NEUROD2: variants seen among roughly 807,000 people sequenced by gnomAD.
The protein encoded by NEUROD2 is neurogenic differentiation factor 2.
A neutral mutation model predicts 9.3 loss-of-function variants in NEUROD2; 5 were observed. The observed-to-expected ratio is 0.54, with a 90% CI of 0.28 to 1.13. NEUROD2 has a LOEUF of 1.13. NEUROD2 is among the 50% of genes most tolerant of loss of function. NEUROD2 has a pLI of 0.10. For synonymous variants in NEUROD2, 277 were observed against 257.3 expected (o/e 1.08, Z -0.73); for missense variants, 376 against 549.2 (o/e 0.68, Z 3.15).
chr17:39,605,360 G>A lies in NEUROD2; in HGVS notation c.*91C>T. On this transcript the variant is annotated 3_prime_UTR_variant, in exon 2 of 2. Transcript: ENST00000302584. The surrounding 1 kb of genome is among the most constrained non-coding windows in gnomAD (Gnocchi z 6.8). ...TGGCCCGCTCCCCGCGCCCGGCGCCGGGGTAGGATGGGGGTGTCCCTGCGC... is the reference window on the plus strand; with the variant it reads ...TGGCCCGCTCCCCGCGCCCGGCGCCAGGGTAGGATGGGGGTGTCCCTGCGC... 2 of 1,427,446 alleles carry A rather than the reference G, an allele frequency of 1.4e-6. No individual in the cohort carries two copies. The highest frequency in any genetic ancestry group is 9.2e-7 in the Non-Finnish European group (1 of 1,084,856). The allele number at this position is 1,427,446 out of a possible 1,614,324, so 88.4% of individuals were successfully genotyped here.
Position 39,604,717 on chromosome 17 carries a change from C to T in NEUROD2, c.*734G>A, listed in dbSNP as rs1258843000. ...AAAAGTCCTTACTGCGTTTTCTCTC[C>T]GATCCGGACTCTGCGTTCGGCTTCC... On this transcript the variant is annotated 3_prime_UTR_variant, in exon 2 of 2. Transcript: ENST00000302584. The T allele has an allele frequency of 1.4e-5, 2 of 139,832 alleles. No individual in the cohort carries two copies. The highest frequency in any genetic ancestry group is 5.5e-5 in the African/African-American group (2 of 36,590). The allele number at this position is 139,832 out of a possible 1,614,324, so 8.7% of individuals were successfully genotyped here.
intron 1 of NEUROD2, chr17:39,607,241 A>C (rs1202287698): frequency 1.3e-5 from 2 of 152,202 alleles, no homozygotes; most frequent in Non-Finnish European, 2.9e-5. Flanking sequence ...GCGAGGACTG[A>C]AGCAGCGGGG....
Position 39,604,561 on chromosome 17 carries a change from C to T in NEUROD2, c.*890G>A, listed in dbSNP as rs1304834139. 1.3e-5 allele frequency: 2 copies of T among 151,052 alleles called. No homozygotes were observed. Among genetic ancestry groups the T allele is most frequent in the African/African-American group, 4.9e-5 (2 of 41,088 alleles). 9.4% of individuals were successfully genotyped at this position (151,052 alleles called of 1,614,324 possible). ...GGCCCGCAGGCCGGGCGGGGCATCC[C>T]GGGGCCGGGCCGGGCCGCGAGGCTC... On this transcript the variant is annotated 3_prime_UTR_variant, in exon 2 of 2. Transcript: ENST00000302584.
In NEUROD2 at chr17:39,606,081, G is replaced by C; in HGVS notation, c.519C>G (p.Leu173=). 1 of 1,614,052 alleles carries C rather than the reference G, an allele frequency of 6.2e-7. No homozygotes were observed. The highest frequency in any genetic ancestry group is 1.7e-5 in the Admixed American group (1 of 60,026). The change falls in exon 2 of 2, where the codon CTC becomes CTG. Residue 173 remains leucine (L), a synonymous_variant. Transcript: ENST00000302584. This position sits in a 1 kb window ranked among gnomAD's most constrained non-coding sequence, Gnocchi z 7.8. ...LRLAKNYIWA[L]SEILRSGKRP... ...GCTTGCCGGAGCGCAGGATCTCCGA[G>C]AGCGCCCAGATATAGTTCTTGGCTA...
At chr17:39,607,324 G>A (rs368815317) in intron 1 of NEUROD2, 6 of 152,326 alleles carry the variant, frequency 3.9e-5, no homozygotes, top group African/African-American at 1.4e-4. Context: ...CCCCCTTCAA[G>A]CTGACTCCCT....
rs1388196215 is a variant in NEUROD2, at chr17:39,605,898, G to T, written c.702C>A (p.Phe234Leu). The T allele has an allele frequency of 1.9e-6, 3 of 1,604,472 alleles. No individual in the cohort carries two copies. In the African/African-American group the frequency reaches 4.0e-5, roughly 21 times the overall value. Residue 234 changes from phenylalanine (F) to leucine (L), a missense_variant, in exon 2 of 2, where the codon TTC becomes TTA. Physicochemically the swap from Phe to Leu is conservative, Grantham distance 22. Transcript: ENST00000302584. This position sits in a 1 kb window ranked among gnomAD's most constrained non-coding sequence, Gnocchi z 6.8. ...AGRFHGSGGP[F>L]AMHPYPYPCS... Reference sequence around the variant, plus strand: ...ACGGGTACGGGTAGGGGTGCATGGCGAACGGGCCGCCCGAGCCGTGGAAGC... The same window carrying T: ...ACGGGTACGGGTAGGGGTGCATGGCTAACGGGCCGCCCGAGCCGTGGAAGC...
In NEUROD2 at chr17:39,606,319, T is replaced by A. The variant is rs1336278222; in HGVS notation, c.281A>T (p.Asp94Val). The change falls in exon 2 of 2, where the codon GAC (aspartate) becomes GTC (valine). Residue 94 changes from aspartate to valine, a missense_variant. Asp to Val is a radical substitution (Grantham distance 152). Coordinates refer to ENST00000302584, the MANE Select transcript of NEUROD2 (RefSeq NM_006160.4). This position sits in a 1 kb window ranked among gnomAD's most constrained non-coding sequence, Gnocchi z 7.8. ...CTTGGGCCGCTCGCCCTCCGCCTCGTCCAGTCCTTCTTCCTCCTCCTCTTC... is the reference window on the plus strand; with the variant it reads ...CTTGGGCCGCTCGCCCTCCGCCTCGACCAGTCCTTCTTCCTCCTCCTCTTC... ...EEEEEEEEGL[D>V]EAEGERPKKR... The A allele has an allele frequency of 6.2e-7, 1 of 1,601,510 alleles. No homozygotes were observed. The highest frequency in any genetic ancestry group is 1.3e-5 in the African/African-American group (1 of 74,784).
At position 39,605,498 on chromosome 17, in the gene NEUROD2, C is replaced by T. The variant is rs758559821; in HGVS notation, c.1102G>A (p.Asp368Asn). The change falls in exon 2 of 2, where the codon GAC (aspartate) becomes AAC (asparagine). Residue 368 changes from aspartate to asparagine, a missense_variant. Physicochemically the swap from Asp to Asn is conservative, Grantham distance 23. This residue lies in a region of NEUROD2 where 193 missense variants were observed against 255.8 expected (regional missense o/e 0.75). Coordinates refer to ENST00000302584, the MANE Select transcript of NEUROD2 (RefSeq NM_006160.4). The surrounding 1 kb of genome is among the most constrained non-coding windows in gnomAD (Gnocchi z 6.8). ...LLSYDMHLHH[D>N]RGPMYEELNA... The stretch of plus-strand genomic sequence containing the variant: ...AGCTCCTCGTACATGGGGCCCCGGT[C>T]GTGGTGAAGGTGCATATCGTAAGAC... 1.2e-5 allele frequency: 19 copies of T among 1,608,944 alleles called. No individual in the cohort carries two copies. The highest frequency in any genetic ancestry group is 1.5e-5 in the Non-Finnish European group (18 of 1,177,288).
At chr17:39,607,532 A>T in intron 1 of NEUROD2, 196 bp downstream of exon 1, 2 of 833,652 alleles carry the variant, frequency 2.4e-6, no homozygotes, top group African/African-American at 1.9e-5. Flanking sequence ...AGCCCATCGC[A>T]GGCAGAGACA....
At position 39,605,332 on chromosome 17, in the gene NEUROD2, C is replaced by G. The variant is rs1018435851; in HGVS notation, c.*119G>C. ...CGCTGCCCCAGGAGAGCGGCAGGACCGGTGGCCCGCTCCCCGCGCCCGGCG... is the reference window on the plus strand; with the variant it reads ...CGCTGCCCCAGGAGAGCGGCAGGACGGGTGGCCCGCTCCCCGCGCCCGGCG... On this transcript the variant is annotated 3_prime_UTR_variant, in exon 2 of 2. Coordinates refer to ENST00000302584, the MANE Select transcript of NEUROD2 (RefSeq NM_006160.4). This position sits in a 1 kb window ranked among gnomAD's most constrained non-coding sequence, Gnocchi z 6.8. 1.9e-5 allele frequency: 25 copies of G among 1,333,804 alleles called. No homozygotes were observed. The highest frequency in any genetic ancestry group is 2.5e-5 in the Non-Finnish European group (25 of 1,002,224). 82.6% of individuals were successfully genotyped at this position (1,333,804 alleles called of 1,614,324 possible). A position where few individuals can be genotyped will look rare whatever the true frequency, so the allele number is the denominator to read the frequency against.
rs937904151 is a variant in NEUROD2, at chr17:39,605,095, C to G, written c.*356G>C. 5.3e-6 allele frequency: 1 copy of G among 190,400 alleles called. No homozygotes were observed. Among genetic ancestry groups the G allele is most frequent in the Non-Finnish European group, 1.1e-5 (1 of 93,816 alleles). 11.8% of individuals were successfully genotyped at this position (190,400 alleles called of 1,614,324 possible). A position where few individuals can be genotyped will look rare whatever the true frequency, so the allele number is the denominator to read the frequency against. On this transcript the variant is annotated 3_prime_UTR_variant, in exon 2 of 2. Transcript: ENST00000302584. This position sits in a 1 kb window ranked among gnomAD's most constrained non-coding sequence, Gnocchi z 6.8. The stretch of plus-strand genomic sequence containing the variant: ...CATTGCTCAGCTGCCCCCTTACCAA[C>G]GCCTTGGGCCTGCAGGGAGGAGGGG...
Position 39,605,511 on chromosome 17 carries a change from C to T in NEUROD2, c.1089G>A (p.Met363Ile), listed in dbSNP as rs747090701. ...VHSENLLSYD[M>I]HLHHDRGPMY... Reference sequence around the variant, plus strand: ...TGGGGCCCCGGTCGTGGTGAAGGTGCATATCGTAAGACAAGAGATTCTCCG... The same window carrying T: ...TGGGGCCCCGGTCGTGGTGAAGGTGTATATCGTAAGACAAGAGATTCTCCG... The change falls in exon 2 of 2, where the codon ATG becomes ATA. Residue 363 changes from methionine to isoleucine, a missense_variant. Transcript: ENST00000302584. The surrounding 1 kb of genome is among the most constrained non-coding windows in gnomAD (Gnocchi z 6.8). 7 of 1,612,808 alleles carry T rather than the reference C, an allele frequency of 4.3e-6. No individual in the cohort carries two copies. The South Asian group carries it at 7.7e-5, about 18-fold the overall frequency.
Position 39,606,231 on chromosome 17 carries a change from C to A in NEUROD2, c.369G>T (p.Arg123=). 2 of 1,611,212 alleles carry A rather than the reference C, an allele frequency of 1.2e-6. No homozygotes were observed. Among genetic ancestry groups the A allele is most frequent in the South Asian group, 2.2e-5 (2 of 90,942 alleles). ...TGCGCTCCCGCGCGTTCGCCTTCTG[C>A]CGCCGAAGCTTGGAGCGCTCCAAGC... is the stretch of plus-strand genomic sequence containing the variant. ...KARLERSKLR[R]QKANARERNR... is the part of the protein sequence containing the mutation. Residue 123 remains arginine (R), a synonymous_variant, in exon 2 of 2, where the codon CGG becomes CGT. Coordinates refer to ENST00000302584, the MANE Select transcript of NEUROD2 (RefSeq NM_006160.4). This position sits in a 1 kb window ranked among gnomAD's most constrained non-coding sequence, Gnocchi z 7.8.
Position 39,605,838 on chromosome 17 carries a change from G to T in NEUROD2, c.762C>A (p.Ala254=). ...SRLAGAQCQA[A]GGLGGGAAHA... ...GCGCCGCGCCGCCGCCCAGGCCGCCGGCCGCCTGGCACTGTGCGCCCGCCA... is the reference window on the plus strand; with the variant it reads ...GCGCCGCGCCGCCGCCCAGGCCGCCTGCCGCCTGGCACTGTGCGCCCGCCA... Residue 254 remains alanine (A), a synonymous_variant, in exon 2 of 2, where the codon GCC becomes GCA. Coordinates refer to ENST00000302584, the MANE Select transcript of NEUROD2 (RefSeq NM_006160.4). The surrounding 1 kb of genome is among the most constrained non-coding windows in gnomAD (Gnocchi z 6.8). 7.3e-7 allele frequency: 1 copy of T among 1,374,286 alleles called. No homozygotes were observed. Among genetic ancestry groups the T allele is most frequent in the Non-Finnish European group, 9.3e-7 (1 of 1,070,272 alleles). 85.1% of individuals were successfully genotyped at this position (1,374,286 alleles called of 1,614,324 possible). A position where few individuals can be genotyped will look rare whatever the true frequency, so the allele number is the denominator to read the frequency against.
chr17:39,606,523 T>C lies in NEUROD2; in HGVS notation c.77A>G (p.Asp26Gly). Residue 26 changes from aspartate to glycine, a missense_variant, in exon 2 of 2, where the codon GAC becomes GGC. Physicochemically the swap from Asp to Gly is moderately conservative, Grantham distance 94. Coordinates refer to ENST00000302584, the MANE Select transcript of NEUROD2 (RefSeq NM_006160.4). The surrounding 1 kb of genome is among the most constrained non-coding windows in gnomAD (Gnocchi z 7.8). ...GCCCTTGTCGCTCCTCGGCTCGTCG[T>C]CTTCGCCGTCGCCCCAGCTGGCGAA... ...PKFASWGDGE[D>G]DEPRSDKGDA... The C allele has an allele frequency of 6.4e-7, 1 of 1,568,928 alleles. No homozygotes were observed. The highest frequency in any genetic ancestry group is 2.3e-5 in the East Asian group (1 of 42,600).
chr17:39,604,313 C>T lies in NEUROD2; in HGVS notation c.*1138G>A, dbSNP rs1388770253. ...GGTGTGCGTGTGTCTTTCATGCAAA[C>T]CCTCCCTCCCCAAACCGACCCCCCA... On this transcript the variant is annotated 3_prime_UTR_variant, in exon 2 of 2. Transcript: ENST00000302584. The T allele has an allele frequency of 6.5e-6, 1 of 152,678 alleles. No individual in the cohort carries two copies. The highest frequency in any genetic ancestry group is 1.9e-4 in the East Asian group (1 of 5,294). 9.5% of individuals were successfully genotyped at this position (152,678 alleles called of 1,614,324 possible).
Position 39,605,562 on chromosome 17 carries a change from C to A in NEUROD2, c.1038G>T (p.Ser346=). 1 of 1,613,482 alleles carries A rather than the reference C, an allele frequency of 6.2e-7. No individual in the cohort carries two copies. The highest frequency in any genetic ancestry group is 1.3e-5 in the African/African-American group (1 of 75,032). Residue 346 remains serine, a synonymous_variant, in exon 2 of 2, where the codon TCG becomes TCT. Transcript: ENST00000302584. This position sits in a 1 kb window ranked among gnomAD's most constrained non-coding sequence, Gnocchi z 6.8. The stretch of plus-strand genomic sequence containing the variant: ...AGTGGACGCCCCCGCGCACAGCCGA[C>A]GAGCCGAAGACTAGCCCGTGGCCCG... The part of the protein sequence containing the change: ...RPTGHGLVFG[S]SAVRGGVHSE...
rs1476569542 is a variant in NEUROD2, at chr17:39,607,141, G to A, written c.-5-537C>T. On this transcript the variant is annotated intron_variant, in intron 1 of 1. Coordinates refer to ENST00000302584, the MANE Select transcript of NEUROD2 (RefSeq NM_006160.4). ...CTTGGCTGCGCGCCGCCCCTTGCTC[G>A]GCCCCCACCCCCGCACCCCCAATTC... 4 of 152,384 alleles carry A rather than the reference G, an allele frequency of 2.6e-5. No homozygotes were observed. The South Asian group carries it at 8.3e-4, about 31-fold the overall frequency. 9.4% of individuals were successfully genotyped at this position (152,384 alleles called of 1,614,324 possible). A position where few individuals can be genotyped will look rare whatever the true frequency, so the allele number is the denominator to read the frequency against.
At chr17:39,607,515 C>T (rs996661351) in intron 1 of NEUROD2, 24 of 711,860 alleles carry the variant, frequency 3.4e-5, no homozygotes, top group South Asian at 6.3e-5. Context: ...GCCTTCCCCC[C>T]CCACCGAGCC....
Sources: allele counts gnomAD v4.1 joint callset, GRCh38; gene constraint gnomAD v4.1.1; regional missense constraint gnomAD v4.1.1; non-coding constraint Gnocchi (gnomAD v3.1); transcripts MANE v1.5; gene names NCBI Gene and HGNC (gene_info 2026-07-23, HGNC 2026-07-21).